WAPL: variants seen among roughly 807,000 people sequenced by gnomAD.
The protein encoded by WAPL is WAPL cohesin release factor, also known as wings apart-like protein homolog.
WAPL carries 5 observed loss-of-function variants against 121.0 expected under a neutral mutation model. The ratio of observed to expected loss-of-function variants is 0.04; its 90% CI spans 0.02 to 0.09. The LOEUF is 0.09. Ranked by LOEUF, WAPL falls within the 10% of genes least tolerant of loss-of-function variation. WAPL has a pLI of 1.00. For missense variants in WAPL, 999 were observed against 1,410.8 expected (o/e 0.71, Z 4.68); for synonymous variants, 480 against 481.5 (o/e 1.00, Z 0.04).
At chr10:86,448,121 A>T (rs1849671711) in intron 15 of WAPL, among the ~76,000 whole-genome samples, 1 of 152,196 alleles carries the variant, frequency 6.6e-6, no homozygotes, top group African/African-American at 2.4e-5. Context: ...TAATTTTTGT[A>T]ACAAAATAAA....
intron 4 of WAPL, among the ~76,000 whole-genome samples, chr10:86,491,754 T>C (rs1327917273): frequency 6.7e-6 from 1 of 149,718 alleles, no homozygotes; most frequent in South Asian, 2.1e-4. Flanking sequence ...AAAAGCAAAA[T>C]CAACTATAAA....
Position 86,521,778 on chromosome 10 carries a change from C to T in WAPL, c.-436G>A, listed in dbSNP as rs940010815. The stretch of plus-strand genomic sequence containing the variant: ...GCCCCCACCTCCTTCCTCCAACAGC[C>T]GCTCGCTCCGTCACTCCGCTTCCCA... On this transcript the variant is annotated 5_prime_UTR_variant, in exon 1 of 19. Coordinates refer to ENST00000298767, the MANE Select transcript of WAPL (RefSeq NM_015045.5). The T allele has an allele frequency of 2.3e-5, 10 of 437,708 alleles. No homozygotes were observed. Among genetic ancestry groups the T allele is most frequent in the Non-Finnish European group, 4.7e-5 (10 of 212,576 alleles). The allele number at this position is 437,708 out of a possible 1,614,324, so 27.1% of individuals were successfully genotyped here. A position where few individuals can be genotyped will look rare whatever the true frequency, so the allele number is the denominator to read the frequency against.
At chr10:86,474,594 T>C (rs1433797562) in intron 4 of WAPL, among the ~76,000 whole-genome samples, 3 of 151,674 alleles carry the variant, frequency 2.0e-5, no homozygotes, top group Non-Finnish European at 4.4e-5. Context: ...CTGGGCATGA[T>C]GGCTCATGCC....
Position 86,472,174 on chromosome 10 carries a change from C to T in WAPL, c.2030+34G>A. The T allele has an allele frequency of 3.9e-6, 6 of 1,522,046 alleles. No homozygotes were observed. In the Admixed American group the frequency reaches 9.9e-5, roughly 25 times the overall value. The allele number at this position is 1,522,046 out of a possible 1,614,324, so 94.3% of individuals were successfully genotyped here. On this transcript the variant is annotated intron_variant, in intron 7 of 18. Transcript: ENST00000298767. The surrounding 1 kb of genome is among the most constrained non-coding windows in gnomAD (Gnocchi z 4.2). ...AGTTGAAAAAATTTAATACAGCATG[C>T]ACATAATTGTAAAATATAAAAATAA...
chr10:86,439,525 G>A (rs982914514), intron 17 of WAPL, among the ~76,000 whole-genome samples: 2 of 152,174 alleles, frequency 1.3e-5, no homozygotes, highest in Non-Finnish European at 2.9e-5. Flanking sequence ...TGAGGCAATG[G>A]GAGGGACAGT....
intron 2 of WAPL, among the ~76,000 whole-genome samples, chr10:86,514,764 T>C (rs1012989152): frequency 3.3e-5 from 5 of 152,206 alleles, no homozygotes; most frequent in African/African-American, 1.2e-4. Flanking sequence ...AACTTCCACA[T>C]TCCTTTTCCC....
At chr10:86,449,119 A>C (rs1564562933) in intron 15 of WAPL, among the ~76,000 whole-genome samples, 1 of 152,262 alleles carries the variant, frequency 6.6e-6, no homozygotes, top group Non-Finnish European at 1.5e-5. Context: ...AGAAAAGAAC[A>C]GCTAGAAAGA....
At chr10:86,497,124 C>G (rs1159955347) in intron 4 of WAPL, 77 bp downstream of exon 4, 1 of 1,205,534 alleles carries the variant, frequency 8.3e-7, no homozygotes, top group African/African-American at 1.5e-5. Context: ...TTATTAGTAA[C>G]TTTCAAATAA....
Position 86,517,984 on chromosome 10 carries a change from G to C in WAPL, c.86C>G (p.Thr29Ser), listed in dbSNP as rs1273725381. Residue 29 changes from threonine to serine, a missense_variant, in exon 2 of 19, where the codon ACT becomes AGT. This residue lies in a region of WAPL where 30 missense variants were observed against 56.4 expected (regional missense o/e 0.53). Transcript: ENST00000298767. Reference sequence around the variant, plus strand: ...CTCTCCCCATTTTGTGCTAAGGGTAGTCCGTTTGTTGGAAAAGACTTCATC... The same window carrying C: ...CTCTCCCCATTTTGTGCTAAGGGTACTCCGTTTGTTGGAAAAGACTTCATC... ...KFDEVFSNKR[T>S]TLSTKWGETT... 6.2e-7 allele frequency: 1 copy of C among 1,614,126 alleles called. No homozygotes were observed. The highest frequency in any genetic ancestry group is 1.3e-5 in the African/African-American group (1 of 75,020).
At chr10:86,491,459 T>A (rs191005652) in intron 4 of WAPL, among the ~76,000 whole-genome samples, 99 of 152,118 alleles carry the variant, frequency 6.5e-4, no homozygotes, top group African/African-American at 2.3e-3. Context: ...TTCAACATTA[T>A]CTCCTAACTC....
intron 4 of WAPL, 24 bp downstream of exon 4, chr10:86,497,177 A>G: frequency 6.4e-7 from 1 of 1,553,100 alleles, no homozygotes; most frequent in Non-Finnish European, 8.8e-7. Context: ...AAATAATAAA[A>G]ATCACTGACA....
At chr10:86,474,954 A>G (rs992212408) in intron 4 of WAPL, among the ~76,000 whole-genome samples, 1 of 152,204 alleles carries the variant, frequency 6.6e-6, no homozygotes, top group African/African-American at 2.4e-5. Context: ...TACATATACC[A>G]CATATTCCAA....
chr10:86,473,747 T>C (rs1589514290), intron 5 of WAPL, 131 bp downstream of exon 5: 1 of 656,308 alleles, frequency 1.5e-6, no homozygotes, highest in South Asian at 2.3e-5. Flanking sequence ...AACTAATAAG[T>C]TTCAGTAAAG....
At chr10:86,509,180 TATCTC>T (rs1187116406) in intron 2 of WAPL, among the ~76,000 whole-genome samples, 1 of 152,224 alleles carries the variant, frequency 6.6e-6, no homozygotes, top group East Asian at 1.9e-4. Context: ...CAAGGCTTCT[TATCTC>T]AGCTCCATTC....
At chr10:86,462,742 G>T (rs944709092) in intron 9 of WAPL, among the ~76,000 whole-genome samples, 1 of 94,840 alleles carries the variant, frequency 1.1e-5, no homozygotes, top group Non-Finnish European at 2.3e-5. Flanking sequence ...AAAAAAAAAA[G>T]AGTTGTTCTC....
intron 9 of WAPL, 37 bp downstream of exon 9, chr10:86,467,242 T>C: frequency 6.3e-7 from 1 of 1,576,776 alleles, no homozygotes; most frequent in Non-Finnish European, 8.7e-7. Flanking sequence ...TTTCTGAAAG[T>C]AATTCTCATC....
In WAPL at chr10:86,472,342, T is replaced by C. The variant is rs77291549; in HGVS notation, c.1896A>G (p.Leu632=). 1 of 1,588,996 alleles carries C rather than the reference T, an allele frequency of 6.3e-7. No individual in the cohort carries two copies. Among genetic ancestry groups the C allele is most frequent in the East Asian group, 2.2e-5 (1 of 44,746 alleles). The part of the protein sequence containing the change: ...ALKCRREDKE[L]YTVVQHVKHF... ...GCTTCACGTGCTGAACAACAGTATA[T>C]AACTGCCAAGAAAAAAAAAGTTCAC... Residue 632 remains leucine, a splice_region_variant and synonymous_variant, in exon 7 of 19, where the codon TTA becomes TTG. Coordinates refer to ENST00000298767, the MANE Select transcript of WAPL (RefSeq NM_015045.5). The surrounding 1 kb of genome is among the most constrained non-coding windows in gnomAD (Gnocchi z 4.2).
intron 11 of WAPL, among the ~76,000 whole-genome samples, chr10:86,459,913 A>C (rs1354967393): frequency 6.6e-6 from 1 of 152,232 alleles, no homozygotes; most frequent in African/African-American, 2.4e-5. Flanking sequence ...TAGGAGTTTG[A>C]GACCAGCCTG....
chr10:86,447,839 C>A (rs948467528), intron 15 of WAPL, among the ~76,000 whole-genome samples: 1 of 151,276 alleles, frequency 6.6e-6, no homozygotes. Flanking sequence ...CACTTTAGGT[C>A]AGGAGTTGGC....
Sources: gnomAD v4.1 joint callset for allele counts (sites outside exome capture counted in the v4.1 genomes callset) on GRCh38, gnomAD v4.1.1 for gene constraint, gnomAD v4.1.1 regional missense constraint, Gnocchi (gnomAD v3.1) non-coding constraint, MANE v1.5 for transcripts, NCBI Gene and HGNC (gene_info 2026-07-23, HGNC 2026-07-21) for gene names.